Variants in GALNTL6 observed in about 807,000 individuals in gnomAD.
GALNTL6 encodes polypeptide N-acetylgalactosaminyltransferase like 6, also known as polypeptide N-acetylgalactosaminyltransferase-like 6.
Under a neutral mutation model 73.7 loss-of-function variants are expected in GALNTL6, and 46 were observed. The ratio of observed to expected loss-of-function variants is 0.62; its 90% CI spans 0.49 to 0.80. GALNTL6 has a LOEUF of 0.80. Among genes scored for constraint, GALNTL6 ranks in the 30% least tolerant of loss-of-function variants. The pLI is 0.00. For missense variants in GALNTL6, 604 were observed against 755.0 expected (o/e 0.80, Z 2.34); for synonymous variants, 259 against 263.7 (o/e 0.98, Z 0.17).
At chr4:172,954,333 A>C (rs1749609361) in intron 10 of GALNTL6, among the ~76,000 whole-genome samples, 1 of 152,224 alleles carries the variant, frequency 6.6e-6, no homozygotes, top group Non-Finnish European at 1.5e-5. Flanking sequence ...AACCATCTTA[A>C]GCCCAAGTAG....
chr4:172,276,111 A>T (rs984864263), intron 3 of GALNTL6, among the ~76,000 whole-genome samples: 2 of 152,196 alleles, frequency 1.3e-5, no homozygotes, highest in African/African-American at 4.8e-5. Flanking sequence ...AATTTCCAAG[A>T]TTGTCTTGCA....
intron 5 of GALNTL6, among the ~76,000 whole-genome samples, chr4:172,415,068 C>CAAAGG (rs1156461619): frequency 1.3e-5 from 2 of 152,088 alleles, no homozygotes; most frequent in African/African-American, 4.8e-5. Context: ...GCAACCTTTG[C>CAAAGG]TTGCTATTAA....
At chr4:171,915,017 A>C (rs563416179) in intron 2 of GALNTL6, among the ~76,000 whole-genome samples, 1 of 152,194 alleles carries the variant, frequency 6.6e-6, no homozygotes, top group East Asian at 1.9e-4. Context: ...TATATATAAA[A>C]CTTATTTGTT....
chr4:171,911,541 C>T (rs6845054), intron 2 of GALNTL6, among the ~76,000 whole-genome samples: 48,943 of 152,022 alleles, frequency 0.32, 9,704 homozygotes, highest in African/African-American at 0.57. Context: ...AAAACTCTGA[C>T]GAGAAAGTCA....
At chr4:172,752,644 T>A (rs1737493939) in intron 5 of GALNTL6, among the ~76,000 whole-genome samples, 1 of 152,174 alleles carries the variant, frequency 6.6e-6, no homozygotes. Flanking sequence ...ATATGTTGAA[T>A]AATTTGCTTG....
intron 2 of GALNTL6, among the ~76,000 whole-genome samples, chr4:171,892,979 C>G (rs1046946902): frequency 1.3e-5 from 2 of 152,012 alleles, no homozygotes; most frequent in Non-Finnish European, 2.9e-5. Flanking sequence ...GTTCATTGCT[C>G]ATTTCCCAGA....
chr4:172,229,857 C>A, intron 3 of GALNTL6, 93 bp downstream of exon 3: 2 of 740,202 alleles, frequency 2.7e-6, no homozygotes, highest in Non-Finnish European at 4.6e-6. Context: ...TTCTTCTGCA[C>A]ACTGTAAAGT....
At chr4:171,815,753 A>G (rs567356651) in intron 2 of GALNTL6, among the ~76,000 whole-genome samples, 1 of 152,338 alleles carries the variant, frequency 6.6e-6, no homozygotes, top group African/African-American at 2.4e-5. Flanking sequence ...ACAGCAATAT[A>G]TAGTAATGGC....
intron 2 of GALNTL6, among the ~76,000 whole-genome samples, chr4:172,218,499 G>A (rs1736567244): frequency 6.6e-6 from 1 of 152,138 alleles, no homozygotes; most frequent in Admixed American, 6.6e-5. Context: ...TATCATTTAA[G>A]TGTTTTTACC....
At chr4:172,346,321 A>G (rs1578979036) in intron 4 of GALNTL6, among the ~76,000 whole-genome samples, 1 of 152,258 alleles carries the variant, frequency 6.6e-6, no homozygotes, top group East Asian at 1.9e-4. Flanking sequence ...TGAATTCATT[A>G]TCGTTGCTCT....
intron 9 of GALNTL6, among the ~76,000 whole-genome samples, chr4:172,938,459 A>G (rs1257728607): frequency 1.3e-5 from 2 of 152,266 alleles, no homozygotes; most frequent in African/African-American, 4.8e-5. Context: ...TGTTTATGTC[A>G]GAAAAAGATA....
At chr4:172,853,034 C>T (rs574802379) in intron 7 of GALNTL6, among the ~76,000 whole-genome samples, 38 of 152,286 alleles carry the variant, frequency 2.5e-4, no homozygotes, top group African/African-American at 8.4e-4. Context: ...ACAAAATTAA[C>T]GACTTAAACA....
At chr4:171,938,999 AGGT>A (rs1255313496) in intron 2 of GALNTL6, among the ~76,000 whole-genome samples, 1 of 152,056 alleles carries the variant, frequency 6.6e-6, no homozygotes, top group African/African-American at 2.4e-5. Context: ...TCACAATAGT[AGGT>A]GGTGGTTGGG....
intron 9 of GALNTL6, among the ~76,000 whole-genome samples, chr4:172,947,887 T>G (rs562567268): frequency 6.6e-6 from 1 of 152,350 alleles, no homozygotes; most frequent in South Asian, 2.1e-4. Context: ...GTGGGTCAAT[T>G]TATTGTACAG....
intron 10 of GALNTL6, among the ~76,000 whole-genome samples, chr4:172,975,690 T>A (rs538642090): frequency 1.4e-3 from 211 of 152,196 alleles, no homozygotes; most frequent in Admixed American, 6.1e-3. Flanking sequence ...AGCTGAGCCA[T>A]CCTCAGCCCC....
At chr4:171,856,163 C>T (rs927080681) in intron 2 of GALNTL6, among the ~76,000 whole-genome samples, 2 of 151,982 alleles carry the variant, frequency 1.3e-5, no homozygotes, top group Non-Finnish European at 2.9e-5. Flanking sequence ...AGTGCAGTGG[C>T]GAGATCTTGG....
chr4:172,077,264 T>A (rs1257460476), intron 2 of GALNTL6, among the ~76,000 whole-genome samples: 2 of 151,828 alleles, frequency 1.3e-5, no homozygotes, highest in African/African-American at 4.8e-5. Context: ...ACAGGCAGAG[T>A]TTGAAACAGT....
chr4:171,891,166 C>A (rs78297084), intron 2 of GALNTL6, among the ~76,000 whole-genome samples: 1,835 of 152,260 alleles, frequency 0.012, 42 homozygotes, highest in African/African-American at 0.042. Flanking sequence ...ATTCCACTGA[C>A]CTAATTCATG....
At chr4:171,945,939 G>A (rs920411691) in intron 2 of GALNTL6, among the ~76,000 whole-genome samples, 1 of 152,092 alleles carries the variant, frequency 6.6e-6, no homozygotes, top group African/African-American at 2.4e-5. Flanking sequence ...ACTGGATATT[G>A]TGTTGACAAT....
Sources: gnomAD v4.1 joint callset for allele counts (sites outside exome capture counted in the v4.1 genomes callset) on GRCh38, gnomAD v4.1.1 for gene constraint, MANE v1.5 for transcripts, NCBI Gene and HGNC (gene_info 2026-07-23, HGNC 2026-07-21) for gene names.